ABCA13: variants seen among roughly 807,000 people sequenced by gnomAD.
ABCA13 encodes ATP binding cassette subfamily A member 13.
A neutral mutation model predicts 478.7 loss-of-function variants in ABCA13; 476 were observed. That is an observed-to-expected ratio of 0.99 (90% CI 0.92 to 1.07). The LOEUF is 1.07. Ranked by LOEUF, ABCA13 falls within the 50% of genes least tolerant of loss-of-function variation. The pLI, the probability that ABCA13 is intolerant of heterozygous loss-of-function variation, is 0.00. For synonymous variants in ABCA13, 2,252 were observed against 2,158.9 expected (o/e 1.04, Z -1.20); for missense variants, 6,060 against 5,910.6 (o/e 1.03, Z -0.83).
intron 26 of ABCA13, among the ~76,000 whole-genome samples, chr7:48,315,480 ATTC>A (rs1486690349): frequency 6.6e-6 from 1 of 151,620 alleles, no homozygotes; most frequent in African/African-American, 2.4e-5. Flanking sequence ...ATGTAGTCAT[ATTC>A]TTTTTTTTTT....
intron 20 of ABCA13, among the ~76,000 whole-genome samples, chr7:48,294,133 G>A (rs1236981710): frequency 6.6e-6 from 1 of 151,800 alleles, no homozygotes; most frequent in Non-Finnish European, 1.5e-5. Context: ...TGTACAACAT[G>A]ATGTTTTGAT....
intron 55 of ABCA13, among the ~76,000 whole-genome samples, chr7:48,553,963 T>A (rs1415694287): frequency 1.3e-5 from 2 of 151,986 alleles, no homozygotes; most frequent in African/African-American, 4.8e-5. Flanking sequence ...TTTTGAGGTG[T>A]TAGATTTAAT....
chr7:48,339,042 C>T (rs1035301436), intron 29 of ABCA13, among the ~76,000 whole-genome samples: 4 of 152,166 alleles, frequency 2.6e-5, no homozygotes, highest in African/African-American at 9.7e-5. Context: ...GTGGCAAAAT[C>T]AGCGATCAGG....
chr7:48,445,503 C>T (rs1028897847), intron 42 of ABCA13, among the ~76,000 whole-genome samples: 1 of 152,182 alleles, frequency 6.6e-6, no homozygotes, highest in African/African-American at 2.4e-5. Context: ...TTCTTGCCCC[C>T]AGAATCTTTA....
chr7:48,390,578 C>T (rs1344186081), intron 37 of ABCA13, among the ~76,000 whole-genome samples: 1 of 152,190 alleles, frequency 6.6e-6, no homozygotes, highest in Non-Finnish European at 1.5e-5. Flanking sequence ...AAATACAGAA[C>T]CTTTCTATGC....
At chr7:48,560,106 T>A (rs1299031614) in intron 55 of ABCA13, among the ~76,000 whole-genome samples, 1 of 152,174 alleles carries the variant, frequency 6.6e-6, no homozygotes, top group African/African-American at 2.4e-5. Context: ...ATTTTAGTCC[T>A]TGTGTTCTAG....
At chr7:48,359,757 A>C (rs941595109) in intron 31 of ABCA13, among the ~76,000 whole-genome samples, 8 of 152,020 alleles carry the variant, frequency 5.3e-5, no homozygotes, top group African/African-American at 1.9e-4. Context: ...AACAGACAAC[A>C]ACAGCAACAA....
rs1796244747 is a variant in ABCA13, at chr7:48,275,938, C to A, written c.6272C>A (p.Ser2091Ter). Residue 2091 changes from serine (S) to a stop codon, truncating the protein, a stop_gained, in exon 17 of 62, where the codon TCA (serine) becomes TAA (stop). Transcript: ENST00000435803. LOFTEE classifies it high-confidence loss of function. ...EMNKGIKSIN[S>*]MALQKITLQF... ...AACAAAGGAATCAAAAGTATAAATT[C>A]AATGGCTCTTCAAAAGATAACTTTG... The A allele has an allele frequency of 6.2e-7, 1 of 1,613,688 alleles. No homozygotes were observed. The highest frequency in any genetic ancestry group is 8.5e-7 in the Non-Finnish European group (1 of 1,179,808).
In ABCA13 at chr7:48,232,139, A is replaced by ATTTTTTTTTTTTTTTTTT. The variant is rs71006559; in HGVS notation, c.764-1871_764-1854dup. ...CTCAGCACAGTGAGACCCACATGGA[A>ATTTTTTTTTTTTTTTTTT]TTTTTTTTTTTTTTTTTTTTTTTTT... On this transcript the variant is annotated intron_variant, in intron 7 of 61. Transcript: ENST00000435803. Among the ~76,000 whole-genome samples, 62 of 51,298 alleles carry ATTTTTTTTTTTTTTTTTT rather than the reference A, an allele frequency of 1.2e-3. 8 individuals are homozygous for ATTTTTTTTTTTTTTTTTT. Among genetic ancestry groups the ATTTTTTTTTTTTTTTTTT allele is most frequent in the East Asian group, 5.4e-3 (10 of 1,842 alleles). The allele number at this position is 51,298 out of a possible 152,430, so 33.7% of individuals were successfully genotyped here.
At chr7:48,626,335 G>A (rs1793665793) in intron 59 of ABCA13, among the ~76,000 whole-genome samples, 1 of 152,154 alleles carries the variant, frequency 6.6e-6, no homozygotes, top group Admixed American at 6.5e-5. Flanking sequence ...TAAATCACGT[G>A]TATGCTTAGC....
chr7:48,555,274 A>G (rs1455634549), intron 55 of ABCA13, among the ~76,000 whole-genome samples: 3 of 151,800 alleles, frequency 2.0e-5, no homozygotes, highest in African/African-American at 7.2e-5. Flanking sequence ...CATTCATCAG[A>G]GATATTGGCA....
At chr7:48,556,281 C>A (rs750113877) in intron 55 of ABCA13, among the ~76,000 whole-genome samples, 41 of 151,810 alleles carry the variant, frequency 2.7e-4, no homozygotes, top group Non-Finnish European at 5.6e-4. Flanking sequence ...TATTCTGAAG[C>A]TGTGGAGGGA....
rs71006559 is a variant in ABCA13, at chr7:48,232,139, A to ATTTTTTTTTTTTTTTTTTTTTTTTT, written c.764-1878_764-1854dup. On this transcript the variant is annotated intron_variant, in intron 7 of 61. Coordinates refer to ENST00000435803, the MANE Select transcript of ABCA13 (RefSeq NM_152701.5). The stretch of plus-strand genomic sequence containing the variant: ...CTCAGCACAGTGAGACCCACATGGA[A>ATTTTTTTTTTTTTTTTTTTTTTTTT]TTTTTTTTTTTTTTTTTTTTTTTTT... Among the ~76,000 whole-genome samples, 11 of 51,300 alleles carry ATTTTTTTTTTTTTTTTTTTTTTTTT rather than the reference A, an allele frequency of 2.1e-4. 3 individuals carry two copies. Among genetic ancestry groups the ATTTTTTTTTTTTTTTTTTTTTTTTT allele is most frequent in the Non-Finnish European group, 3.3e-4 (9 of 27,396 alleles). The allele number at this position is 51,300 out of a possible 152,430, so 33.7% of individuals were successfully genotyped here. A position where few individuals can be genotyped will look rare whatever the true frequency, so the allele number is the denominator to read the frequency against.
At chr7:48,253,387 T>C (rs1305149501) in intron 15 of ABCA13, among the ~76,000 whole-genome samples, 1 of 152,216 alleles carries the variant, frequency 6.6e-6, no homozygotes, top group African/African-American at 2.4e-5. Context: ...GAACTTGAAA[T>C]TGATACACAT....
At chr7:48,265,109 T>C (rs1230078877) in intron 15 of ABCA13, among the ~76,000 whole-genome samples, 1 of 151,632 alleles carries the variant, frequency 6.6e-6, no homozygotes, top group Non-Finnish European at 1.5e-5. Context: ...TAAGTGGGTC[T>C]TCTTCTGAAC....
At position 48,483,181 on chromosome 7, in the gene ABCA13, T is replaced by A; in HGVS notation, c.13182+18T>A. On this transcript the variant is annotated intron_variant, in intron 47 of 61. Transcript: ENST00000435803. ...TGGCAAAGGTAATCATATTTTTTTA[T>A]TTTTTTCCTGTTTTAGAAAGTATTT... 6.3e-7 allele frequency: 1 copy of A among 1,592,626 alleles called. No homozygotes were observed. Among genetic ancestry groups the A allele is most frequent in the Non-Finnish European group, 8.6e-7 (1 of 1,167,514 alleles).
At chr7:48,391,839 G>A (rs1013488650) in intron 37 of ABCA13, 82 bp from the exon 38 acceptor site, 20 of 1,334,162 alleles carry the variant, frequency 1.5e-5, no homozygotes, top group South Asian at 2.5e-5. Context: ...GGATGCATGC[G>A]CCATCCTGGA....
intron 3 of ABCA13, among the ~76,000 whole-genome samples, chr7:48,209,143 GA>G (rs1785299540): frequency 6.6e-6 from 1 of 151,932 alleles, no homozygotes; most frequent in African/African-American, 2.4e-5. Flanking sequence ...GCATCCTTGG[GA>G]TGGATGAATC....
chr7:48,342,445 T>A lies in ABCA13; in HGVS notation c.10204+3990T>A, dbSNP rs541008567. ...TATTGTATTTTCTGTTGAGGACTTGTTTGAGACATTTATATTTTCCTTTGT... is the reference window on the plus strand; with the variant it reads ...TATTGTATTTTCTGTTGAGGACTTGATTGAGACATTTATATTTTCCTTTGT... On this transcript the variant is annotated intron_variant, in intron 29 of 61. Transcript: ENST00000435803. Among the ~76,000 whole-genome samples, 4 of 152,322 alleles carry A rather than the reference T, an allele frequency of 2.6e-5. 1 individual carries two copies. Among genetic ancestry groups the A allele is most frequent in the Admixed American group, 2.6e-4 (4 of 15,296 alleles).
Sources: gnomAD v4.1 joint callset for allele counts (sites outside exome capture counted in the v4.1 genomes callset) on GRCh38, gnomAD v4.1.1 for gene constraint, MANE v1.5 for transcripts, NCBI Gene and HGNC (gene_info 2026-07-23, HGNC 2026-07-21) for gene names.